Variants in SGSM1 observed in about 807,000 individuals in gnomAD.
The protein encoded by SGSM1 is RUN and TBC1 domain containing 2.
In SGSM1, 73 loss-of-function variants were observed where a neutral mutation model predicts 133.8. The observed-to-expected ratio is 0.55, with a 90% CI of 0.45 to 0.66. SGSM1 has a LOEUF of 0.66. Ranked by LOEUF, SGSM1 falls within the 30% of genes least tolerant of loss-of-function variation. The probability of loss-of-function intolerance (pLI) is 0.00; values close to 1 mark genes in which losing one functional copy is unlikely to be tolerated. For synonymous variants in SGSM1, 563 were observed against 573.0 expected (o/e 0.98, Z 0.25); for missense variants, 1,213 against 1,448.1 (o/e 0.84, Z 2.64).
chr22:24,880,450 TCA>T (rs1932261092), intron 14 of SGSM1, among the ~76,000 whole-genome samples: 1 of 152,308 alleles, frequency 6.6e-6, no homozygotes, highest in African/African-American at 2.4e-5. Flanking sequence ...CCTTGATTTT[TCA>T]GTTTTATTTC....
intron 2 of SGSM1, among the ~76,000 whole-genome samples, chr22:24,835,268 C>T (rs922672928): frequency 6.6e-5 from 10 of 152,132 alleles, no homozygotes; most frequent in Admixed American, 5.9e-4. Context: ...GATTGTTGAG[C>T]ACACACCGTG....
chr22:24,839,466 G>T (rs115258029), intron 2 of SGSM1, among the ~76,000 whole-genome samples: 1,836 of 152,240 alleles, frequency 0.012, 41 homozygotes, highest in African/African-American at 0.041. Flanking sequence ...GTTTTTTTGT[G>T]ACTGGCTTTG....
At chr22:24,857,145 T>A (rs139691) in intron 8 of SGSM1, among the ~76,000 whole-genome samples, 29 of 151,332 alleles carry the variant, frequency 1.9e-4, no homozygotes, top group African/African-American at 6.6e-4. Flanking sequence ...GGCTCATGCC[T>A]GTAATCCCAG....
chr22:24,912,261 C>T (rs925593719), intron 21 of SGSM1, among the ~76,000 whole-genome samples: 6 of 152,046 alleles, frequency 3.9e-5, no homozygotes, highest in East Asian at 1.9e-4. Context: ...ATAATGTGTC[C>T]GTATTGGTTC....
intron 22 of SGSM1, among the ~76,000 whole-genome samples, chr22:24,914,418 A>G (rs964750446): frequency 1.3e-5 from 2 of 151,882 alleles, no homozygotes; most frequent in African/African-American, 4.8e-5. Flanking sequence ...GGAGATTGCA[A>G]TGAGCCGAGA....
At chr22:24,862,829 A>T (rs1036322176) in intron 9 of SGSM1, among the ~76,000 whole-genome samples, 1 of 152,116 alleles carries the variant, frequency 6.6e-6, no homozygotes, top group Non-Finnish European at 1.5e-5. Context: ...CACCTCAATG[A>T]GCCTCAGGGT....
At chr22:24,877,362 C>T (rs1040046656) in intron 13 of SGSM1, among the ~76,000 whole-genome samples, 10 of 152,274 alleles carry the variant, frequency 6.6e-5, no homozygotes, top group Middle Eastern at 6.8e-3. Context: ...GGCACCTGCA[C>T]ATGGTACTGT....
intron 12 of SGSM1, among the ~76,000 whole-genome samples, chr22:24,875,934 A>G (rs1258307797): frequency 6.6e-6 from 1 of 152,234 alleles, no homozygotes; most frequent in Non-Finnish European, 1.5e-5. Flanking sequence ...ATTGCTTTAG[A>G]AATACAGATT....
chr22:24,921,363 G>T (rs1487907456), intron 24 of SGSM1, among the ~76,000 whole-genome samples: 1 of 152,176 alleles, frequency 6.6e-6, no homozygotes, highest in Non-Finnish European at 1.5e-5. Flanking sequence ...GCCTCCCAAA[G>T]TGCTGGGATT....
At chr22:24,885,067 A>G (rs1398624065) in intron 15 of SGSM1, among the ~76,000 whole-genome samples, 1 of 149,138 alleles carries the variant, frequency 6.7e-6, no homozygotes, top group Non-Finnish European at 1.5e-5. Context: ...CTCCTGCCTC[A>G]GCCTCCAAGT....
intron 4 of SGSM1, among the ~76,000 whole-genome samples, chr22:24,849,746 A>G (rs1424844658): frequency 6.6e-6 from 1 of 152,204 alleles, no homozygotes; most frequent in East Asian, 1.9e-4. Flanking sequence ...GAGAGGGATC[A>G]GCCTGGGAAT....
At chr22:24,808,215 G>A (rs1454175985) in intron 2 of SGSM1, among the ~76,000 whole-genome samples, 1 of 149,760 alleles carries the variant, frequency 6.7e-6, no homozygotes, top group Non-Finnish European at 1.5e-5. Flanking sequence ...CTGGGTTCAC[G>A]CCATTCTCCT....
At chr22:24,874,691 AG>A in intron 12 of SGSM1, 1 of 1,365,006 alleles carries the variant, frequency 7.3e-7, no homozygotes, top group Non-Finnish European at 9.7e-7. Context: ...AGATGGAGGC[AG>A]AGGGATTGAT....
At chr22:24,905,971 C>A (rs775218248) in intron 21 of SGSM1, among the ~76,000 whole-genome samples, 22 of 151,946 alleles carry the variant, frequency 1.4e-4, no homozygotes, top group Non-Finnish European at 3.2e-4. Context: ...AACAAGAAAA[C>A]TACACACCAA....
intron 14 of SGSM1, among the ~76,000 whole-genome samples, chr22:24,882,752 CAT>C (rs1219454916): frequency 6.6e-6 from 1 of 152,088 alleles, no homozygotes; most frequent in Admixed American, 6.6e-5. Context: ...TAAGTAAGAA[CAT>C]GTGATATTTG....
At chr22:24,891,308 T>C (rs1006191536) in intron 16 of SGSM1, among the ~76,000 whole-genome samples, 2 of 152,168 alleles carry the variant, frequency 1.3e-5, no homozygotes, top group African/African-American at 4.8e-5. Flanking sequence ...TGCAGCGAGC[T>C]ATGATTGTGC....
At chr22:24,811,509 C>T (rs896057951) in intron 2 of SGSM1, among the ~76,000 whole-genome samples, 1 of 152,240 alleles carries the variant, frequency 6.6e-6, no homozygotes, top group Middle Eastern at 3.4e-3. Flanking sequence ...CCCAGAATGC[C>T]TCAGTTTCTC....
chr22:24,874,665 A>G (rs1931943060), intron 12 of SGSM1: 1 of 1,455,402 alleles, frequency 6.9e-7, no homozygotes, highest in South Asian at 1.4e-5. Context: ...CCCAAGGGAG[A>G]TGGAGGCAGG....
At chr22:24,849,281 C>T (rs989474949) in intron 4 of SGSM1, among the ~76,000 whole-genome samples, 3 of 150,836 alleles carry the variant, frequency 2.0e-5, no homozygotes, top group East Asian at 1.9e-4. Flanking sequence ...CGGCCAGGTG[C>T]GGTGGCTCAT....
Sources: gnomAD v4.1 joint callset for allele counts (sites outside exome capture counted in the v4.1 genomes callset) on GRCh38, gnomAD v4.1.1 for gene constraint, MANE v1.5 for transcripts, NCBI Gene and HGNC (gene_info 2026-07-23, HGNC 2026-07-21) for gene names.